The following PAN3 variants were observed in gnomAD, a reference collection of about 807,000 sequenced individuals.
PAN3 encodes the protein PAN2-PAN3 deadenylation complex subunit PAN3.
PAN3 carries 19 observed loss-of-function variants against 96.2 expected under a neutral mutation model. The observed-to-expected ratio is 0.20, with a 90% confidence interval of 0.14 to 0.29. The LOEUF (loss-of-function observed/expected upper bound fraction) is 0.29, where lower values mean the gene tolerates loss of function less well. Among genes scored for constraint, PAN3 ranks in the 10% least tolerant of loss-of-function variants. PAN3 has a pLI of 1.00. For synonymous variants in PAN3, 433 were observed against 406.6 expected, an observed-to-expected ratio of 1.06 and a Z score of -0.78; for missense variants, 882 against 1,108.1, an observed-to-expected ratio of 0.80 and a Z score of 2.90.
chr13:28,222,051 A>G (rs887900126), intron 6 of PAN3, among the ~76,000 whole-genome samples: 2 of 152,160 alleles, frequency 1.3e-5, no homozygotes, highest in Non-Finnish European at 2.9e-5. Flanking sequence ...TTGCCCTAAC[A>G]ATACTTCCTT....
chr13:28,139,514 TTG>T (rs10577740), intron 1 of PAN3, among the ~76,000 whole-genome samples: 20,231 of 92,860 alleles, frequency 0.22, 2,205 homozygotes, highest in Middle Eastern at 0.31. Flanking sequence ...AGGGGTGTGT[TTG>T]TGTGTGTGTG....
At chr13:28,262,467 A>T (rs1159162422) in intron 9 of PAN3, among the ~76,000 whole-genome samples, 1 of 152,240 alleles carries the variant, frequency 6.6e-6, no homozygotes, top group Non-Finnish European at 1.5e-5. Flanking sequence ...TAAAAGAAAT[A>T]TGTCTGGCTG....
chr13:28,141,197 G>A (rs1157475750), intron 1 of PAN3, among the ~76,000 whole-genome samples: 1 of 151,516 alleles, frequency 6.6e-6, no homozygotes, highest in Non-Finnish European at 1.5e-5. Context: ...TAGAGACGGG[G>A]TTTCGCCATG....
At chr13:28,192,101 A>G (rs561724321) in intron 4 of PAN3, among the ~76,000 whole-genome samples, 224 of 141,754 alleles carry the variant, frequency 1.6e-3, no homozygotes, top group Middle Eastern at 3.8e-3. Context: ...GCTGGAGTGC[A>G]GTGGCACCAT....
At chr13:28,263,096 C>T (rs781487293) in intron 9 of PAN3, among the ~76,000 whole-genome samples, 1 of 152,068 alleles carries the variant, frequency 6.6e-6, no homozygotes, top group Non-Finnish European at 1.5e-5. Context: ...CCACGACCAT[C>T]CAAGGTACTT....
intron 4 of PAN3, among the ~76,000 whole-genome samples, chr13:28,189,977 C>T (rs1010237337): frequency 2.0e-5 from 3 of 152,170 alleles, no homozygotes. Flanking sequence ...GAGTCTTGCT[C>T]TTATCACCCA....
chr13:28,144,566 G>C (rs1870353351), intron 1 of PAN3, among the ~76,000 whole-genome samples: 1 of 151,944 alleles, frequency 6.6e-6, no homozygotes, highest in Non-Finnish European at 1.5e-5. Flanking sequence ...AACTCCAGGT[G>C]AGATTGAGTT....
chr13:28,242,093 G>C (rs182230255), intron 6 of PAN3, among the ~76,000 whole-genome samples: 22 of 152,338 alleles, frequency 1.4e-4, no homozygotes, highest in African/African-American at 4.3e-4. Context: ...GACTTTGTCA[G>C]AAGAATGTCC....
At chr13:28,213,293 A>G (rs1255313084) in intron 5 of PAN3, among the ~76,000 whole-genome samples, 1 of 152,216 alleles carries the variant, frequency 6.6e-6, no homozygotes, top group Non-Finnish European at 1.5e-5. Context: ...ACTACTAGGC[A>G]TTTAATATGA....
intron 1 of PAN3, among the ~76,000 whole-genome samples, chr13:28,154,644 T>G (rs7990872): frequency 0.17 from 25,578 of 150,486 alleles, 4,130 homozygotes; most frequent in African/African-American, 0.43. Context: ...ACAGGTGCCC[T>G]CCACTACGCC....
At chr13:28,270,934 C>A in intron 13 of PAN3, 68 bp downstream of exon 13, 2 of 1,414,368 alleles carry the variant, frequency 1.4e-6, no homozygotes, top group Admixed American at 2.0e-5. Flanking sequence ...GTAAACAAAA[C>A]ATGATTGTTT....
intron 1 of PAN3, among the ~76,000 whole-genome samples, chr13:28,158,243 A>G (rs185588735): frequency 3.3e-5 from 5 of 152,238 alleles, no homozygotes; most frequent in Admixed American, 3.3e-4. Flanking sequence ...AACTATAAAA[A>G]CCCTTGAAAA....
chr13:28,242,221 A>G (rs1256913587), intron 6 of PAN3, among the ~76,000 whole-genome samples: 1 of 152,116 alleles, frequency 6.6e-6, no homozygotes, highest in East Asian at 1.9e-4. Context: ...ATGATCATTT[A>G]CTTTTCCTCT....
intron 12 of PAN3, among the ~76,000 whole-genome samples, chr13:28,268,040 T>C (rs758205758): frequency 3.9e-5 from 6 of 152,188 alleles, no homozygotes; most frequent in Non-Finnish European, 7.4e-5. Flanking sequence ...TAAAATTGTT[T>C]TTCTCTTTAA....
intron 5 of PAN3, among the ~76,000 whole-genome samples, chr13:28,204,125 A>G (rs775757021): frequency 2.0e-5 from 3 of 151,790 alleles, no homozygotes; most frequent in African/African-American, 7.3e-5. Flanking sequence ...TCTGTTTTAT[A>G]TTTTTTTCAT....
intron 6 of PAN3, among the ~76,000 whole-genome samples, chr13:28,249,081 G>A (rs1312763162): frequency 6.6e-6 from 1 of 152,020 alleles, no homozygotes; most frequent in Non-Finnish European, 1.5e-5. Flanking sequence ...TTTAAATTTT[G>A]ATGAAGCCTG....
intron 17 of PAN3, among the ~76,000 whole-genome samples, chr13:28,285,319 C>G (rs765712276): frequency 1.3e-5 from 2 of 152,150 alleles, no homozygotes; most frequent in Non-Finnish European, 2.9e-5. Flanking sequence ...ACTTTCAGTA[C>G]ATAGGTAAGT....
At chr13:28,214,657 G>T in intron 5 of PAN3, 1 of 440,772 alleles carries the variant, frequency 2.3e-6, no homozygotes, top group Admixed American at 3.0e-5. Context: ...AGGCTGCTGA[G>T]ATGGGAAAGG....
At chr13:28,153,001 G>GT (rs1339076175) in intron 1 of PAN3, among the ~76,000 whole-genome samples, 3 of 152,112 alleles carry the variant, frequency 2.0e-5, no homozygotes, top group Non-Finnish European at 4.4e-5. Context: ...TGGCACAATA[G>GT]TTTATTGTTA....
Sources: gnomAD v4.1 joint callset for allele counts (sites outside exome capture counted in the v4.1 genomes callset) on GRCh38, gnomAD v4.1.1 for gene constraint, MANE v1.5 for transcripts, NCBI Gene and HGNC (gene_info 2026-07-23, HGNC 2026-07-21) for gene names.